Variants in ECPAS observed in about 807,000 individuals in gnomAD.
ECPAS encodes Ecm29 proteasome adaptor and scaffold, also known as proteasome adapter and scaffold protein ECM29.
ECPAS carries 70 observed loss-of-function variants against 255.1 expected under a neutral mutation model. The observed-to-expected ratio is 0.27, with a 90% confidence interval of 0.23 to 0.33. The LOEUF (loss-of-function observed/expected upper bound fraction) is 0.33, where lower values mean the gene tolerates loss of function less well. ECPAS is among the 10% of genes least tolerant of loss of function. The probability of loss-of-function intolerance (pLI) is 1.00; values close to 1 mark genes in which losing one functional copy is unlikely to be tolerated. For missense variants in ECPAS, 1,817 were observed against 2,206.4 expected, an observed-to-expected ratio of 0.82 and a Z score of 3.54; for synonymous variants, 784 against 775.0, an observed-to-expected ratio of 1.01 and a Z score of -0.19.
chr9:111,424,905 C>G (rs571925113), intron 12 of ECPAS, among the ~76,000 whole-genome samples: 1 of 152,292 alleles, frequency 6.6e-6, no homozygotes, highest in Non-Finnish European at 1.5e-5. Context: ...CATGGTGGCT[C>G]ATGCCTGTAA....
intron 9 of ECPAS, among the ~76,000 whole-genome samples, chr9:111,428,841 C>A: frequency 6.6e-6 from 1 of 152,078 alleles, no homozygotes; most frequent in East Asian, 1.9e-4. Context: ...GGTTATCTTA[C>A]TCTGAATGGC....
At chr9:111,362,382 G>A (rs1457029811) in intron 49 of ECPAS, among the ~76,000 whole-genome samples, 2 of 151,920 alleles carry the variant, frequency 1.3e-5, no homozygotes, top group South Asian at 2.1e-4. Flanking sequence ...TGACAGTAGC[G>A]TAGAGGCACA....
intron 2 of ECPAS, among the ~76,000 whole-genome samples, chr9:111,468,689 C>CGTGTGTGTGTGTGTGTGT (rs141517725): frequency 7.3e-5 from 11 of 149,914 alleles, no homozygotes; most frequent in African/African-American, 2.4e-4. Context: ...CAAGCTCAAA[C>CGTGTGTGTGTGTGTGTGT]GTGTGTGTGT....
Position 111,484,126 on chromosome 9 carries a change from G to A in ECPAS, c.-93C>T, listed in dbSNP as rs1229711454. The A allele has an allele frequency of 9.6e-6, 14 of 1,454,860 alleles. No homozygotes were observed. The South Asian group carries it at 1.6e-4, about 16-fold the overall frequency. 90.1% of individuals were successfully genotyped at this position (1,454,860 alleles called of 1,614,324 possible). A position where few individuals can be genotyped will look rare whatever the true frequency, so the allele number is the denominator to read the frequency against. On this transcript the variant is annotated 5_prime_UTR_variant, in exon 1 of 50. Transcript: ENST00000684092. ...GGGCGGGCCTCTGACCTGAGTCGGA[G>A]CCGGTCTCCATGCCGCGGACGCTGC... is the stretch of plus-strand genomic sequence containing the variant.
rs894180867 is a variant in ECPAS, at chr9:111,442,506, G to A, written c.271-82C>T. ...GAAAATATATGATTGATAACTTAGA[G>A]AGTTATGGTTACAACAAAGACATTG... On this transcript the variant is annotated intron_variant, in intron 4 of 49. Transcript: ENST00000684092. The A allele has an allele frequency of 1.7e-5, 15 of 878,096 alleles. No homozygotes were observed. In the East Asian group the frequency reaches 2.2e-4, roughly 13 times the overall value. The allele number at this position is 878,096 out of a possible 1,614,324, so 54.4% of individuals were successfully genotyped here.
chr9:111,385,233 T>C, intron 33 of ECPAS, 104 bp downstream of exon 33: 1 of 682,026 alleles, frequency 1.5e-6, no homozygotes, highest in Non-Finnish European at 2.4e-6. Context: ...CGTTGGTCTC[T>C]TAAAATTATC....
chr9:111,384,409 G>T, intron 34 of ECPAS, 113 bp downstream of exon 34: 1 of 929,026 alleles, frequency 1.1e-6, no homozygotes, highest in Non-Finnish European at 1.7e-6. Context: ...ACTACAACAT[G>T]AAGCCAATTA....
chr9:111,366,577 T>C lies in ECPAS; in HGVS notation c.5164A>G (p.Ser1722Gly), dbSNP rs2098120572. 1 of 1,613,422 alleles carries C rather than the reference T, an allele frequency of 6.2e-7. No individual in the cohort carries two copies. Residue 1722 changes from serine (S) to glycine (G), a missense_variant, in exon 47 of 50, where the codon AGC (serine) becomes GGC (glycine). This residue lies in a region of ECPAS where 960 missense variants were observed against 1,179.0 expected (regional missense o/e 0.81). Coordinates refer to ENST00000684092, the MANE Select transcript of ECPAS (RefSeq NM_001364929.1). ...CKLMCERLKL[S>G]TWKVQLGVLQ... is the part of the protein sequence containing the mutation. ...ACTCCTAGCTGCACTTTCCACGTGC[T>C]GAGTTTTAGCCGTTCACACATCAGT...
chr9:111,366,952 T>C (rs1454662155), intron 46 of ECPAS, among the ~76,000 whole-genome samples: 3 of 152,154 alleles, frequency 2.0e-5, no homozygotes, highest in Non-Finnish European at 2.9e-5. Context: ...TGGTTCTCCA[T>C]GGAACTGAGA....
intron 46 of ECPAS, among the ~76,000 whole-genome samples, chr9:111,368,066 C>T (rs148548986): frequency 2.1e-4 from 32 of 150,810 alleles, no homozygotes; most frequent in African/African-American, 7.6e-4. Context: ...AAAACGAATA[C>T]TAAGATCTTC....
At chr9:111,404,806 T>C (rs1430405439) in intron 24 of ECPAS, among the ~76,000 whole-genome samples, 2 of 57,198 alleles carry the variant, frequency 3.5e-5, no homozygotes, top group African/African-American at 1.6e-4. Context: ...CTGCTTATAA[T>C]AGCTACCAAA....
intron 18 of ECPAS, 109 bp downstream of exon 18, chr9:111,416,163 C>G: frequency 2.8e-6 from 2 of 706,526 alleles, no homozygotes; most frequent in South Asian, 1.8e-5. Context: ...AATGACACCA[C>G]AATATGGGTT....
At chr9:111,415,504 A>G (rs2098201986) in intron 18 of ECPAS, among the ~76,000 whole-genome samples, 1 of 152,136 alleles carries the variant, frequency 6.6e-6, no homozygotes, top group Admixed American at 6.5e-5. Flanking sequence ...GTTCAAGACC[A>G]GCCTGGGAAA....
intron 3 of ECPAS, among the ~76,000 whole-genome samples, chr9:111,447,068 A>T (rs1369473853): frequency 6.6e-6 from 1 of 152,128 alleles, no homozygotes; most frequent in Non-Finnish European, 1.5e-5. Context: ...ATTATTATCG[A>T]TGGAGACAGA....
intron 10 of ECPAS, among the ~76,000 whole-genome samples, chr9:111,426,686 T>A (rs1199251808): frequency 4.4e-5 from 5 of 112,624 alleles, no homozygotes; most frequent in Non-Finnish European, 9.1e-5. Context: ...CAAGATCCTG[T>A]CTCACTTCAA....
chr9:111,368,825 T>A (rs1028755093), intron 46 of ECPAS, among the ~76,000 whole-genome samples: 12 of 152,380 alleles, frequency 7.9e-5, no homozygotes, highest in Admixed American at 3.3e-4. Flanking sequence ...CAGTCTGTGA[T>A]ACTTTCTTAC....
chr9:111,440,797 A>G (rs955145408), intron 5 of ECPAS, among the ~76,000 whole-genome samples: 1 of 152,346 alleles, frequency 6.6e-6, no homozygotes, highest in African/African-American at 2.4e-5. Flanking sequence ...GCTCAGTGTT[A>G]ATATCTGAAG....
chr9:111,387,004 G>A (rs1431613384), intron 31 of ECPAS, among the ~76,000 whole-genome samples: 2 of 152,238 alleles, frequency 1.3e-5, no homozygotes, highest in African/African-American at 2.4e-5. Flanking sequence ...CAAGGGGGTC[G>A]GGTGCAGTTA....
chr9:111,444,535 T>C, intron 3 of ECPAS, 41 bp from the exon 4 acceptor site: 3 of 1,295,288 alleles, frequency 2.3e-6, no homozygotes, highest in South Asian at 2.5e-5. Flanking sequence ...ATTGATCATA[T>C]CTTAAAAACC....
Sources: gnomAD v4.1 joint callset for allele counts (sites outside exome capture counted in the v4.1 genomes callset) on GRCh38, gnomAD v4.1.1 for gene constraint, gnomAD v4.1.1 regional missense constraint, MANE v1.5 for transcripts, NCBI Gene and HGNC (gene_info 2026-07-23, HGNC 2026-07-21) for gene names.